Variants in MLIP observed in about 807,000 individuals in gnomAD.
MLIP encodes muscular LMNA interacting protein, also known as muscular LMNA-interacting protein.
MLIP carries 79 observed loss-of-function variants against 84.8 expected under a neutral mutation model. The ratio of observed to expected loss-of-function variants is 0.93; its 90% CI spans 0.78 to 1.12. The LOEUF is 1.12. Ranked by LOEUF, MLIP falls within the 50% of genes most tolerant of loss-of-function variation. The pLI is 0.00. For missense variants in MLIP, 1,257 were observed against 1,160.6 expected (o/e 1.08, Z -1.21); for synonymous variants, 504 against 463.0 (o/e 1.09, Z -1.14).
At chr6:54,264,790 G>A (rs1582666305) in intron 13 of MLIP, among the ~76,000 whole-genome samples, 1 of 152,178 alleles carries the variant, frequency 6.6e-6, no homozygotes, top group East Asian at 1.9e-4. Context: ...GATGATGAAA[G>A]CTACAGCTTA....
At chr6:54,100,095 T>C (rs561150042) in intron 1 of MLIP, among the ~76,000 whole-genome samples, 1 of 152,280 alleles carries the variant, frequency 6.6e-6, no homozygotes, top group South Asian at 2.1e-4. Flanking sequence ...AATATGCTGC[T>C]ACAACAATAA....
chr6:54,174,396 T>A (rs1262195685), intron 9 of MLIP, among the ~76,000 whole-genome samples: 1 of 152,028 alleles, frequency 6.6e-6, no homozygotes, highest in Non-Finnish European at 1.5e-5. Context: ...TTTCTCCACA[T>A]GCTCATAAGC....
intron 12 of MLIP, among the ~76,000 whole-genome samples, chr6:54,237,719 G>T (rs528453374): frequency 1.3e-5 from 2 of 150,710 alleles, no homozygotes; most frequent in African/African-American, 2.4e-5. Flanking sequence ...GCATGGTTTC[G>T]TGCACCTGTG....
chr6:54,146,527 T>C (rs1413003997), intron 4 of MLIP, among the ~76,000 whole-genome samples: 9 of 152,174 alleles, frequency 5.9e-5, no homozygotes, highest in Non-Finnish European at 1.2e-4. Context: ...ACCAATGAGA[T>C]AAGTTAGCAG....
At chr6:54,019,131 A>G (rs1438106959) in intron 1 of MLIP, 1 of 1,601,984 alleles carries the variant, frequency 6.2e-7, no homozygotes, top group African/African-American at 1.3e-5. Context: ...TTATAATGAA[A>G]TTGACAGGGT....
chr6:54,252,425 CATATA>C (rs1244836748), intron 12 of MLIP, among the ~76,000 whole-genome samples: 1 of 123,730 alleles, frequency 8.1e-6, no homozygotes, highest in Non-Finnish European at 1.6e-5. Flanking sequence ...TATATTATAA[CATATA>C]ATATATAATA....
intron 3 of MLIP, among the ~76,000 whole-genome samples, chr6:54,130,811 AG>A (rs1466386102): frequency 1.3e-5 from 2 of 152,158 alleles, no homozygotes. Flanking sequence ...GAAAGGTAAT[AG>A]GGAAGGAAGT....
In MLIP at chr6:54,138,129, C is replaced by A. The variant is rs189283129; in HGVS notation, c.2060C>A (p.Thr687Asn). Residue 687 changes from threonine (T) to asparagine (N), a missense_variant, in exon 4 of 14, where the codon ACC becomes AAC. By Grantham distance (65) the Thr-to-Asn change is moderately conservative. Transcript: ENST00000502396. ...CTGCACCCACATTGCGGCAGTGGTA[C>A]CTTGCCTTCAAGACTTGGGAAATCT... ...SALHPHCGSG[T>N]LPSRLGKSES... 88 of 1,536,018 alleles carry A rather than the reference C, an allele frequency of 5.7e-5. No individual in the cohort carries two copies. Among genetic ancestry groups the A allele is most frequent in the Middle Eastern group, 1.7e-4 (1 of 6,012 alleles).
chr6:54,208,811 T>A (rs1363813948), intron 11 of MLIP, among the ~76,000 whole-genome samples: 1 of 152,214 alleles, frequency 6.6e-6, no homozygotes, highest in African/African-American at 2.4e-5. Flanking sequence ...CGTAAGATAT[T>A]TTTGATGAAA....
At chr6:54,133,601 A>C (rs1771563718) in intron 3 of MLIP, among the ~76,000 whole-genome samples, 1 of 152,228 alleles carries the variant, frequency 6.6e-6, no homozygotes, top group South Asian at 2.1e-4. Context: ...TCATAGAAAC[A>C]TCAGGGAAAA....
At chr6:54,215,097 C>T (rs780734343) in intron 11 of MLIP, 38 of 1,414,110 alleles carry the variant, frequency 2.7e-5, no homozygotes, top group African/African-American at 9.9e-5. Context: ...CTTTTCTACA[C>T]GCTGTGTACT....
intron 9 of MLIP, among the ~76,000 whole-genome samples, chr6:54,182,889 C>T (rs903999186): frequency 6.6e-6 from 1 of 152,054 alleles, no homozygotes; most frequent in Admixed American, 6.6e-5. Context: ...TTTTATAAAT[C>T]CTCTACATTT....
chr6:54,093,526 GTGT>G (rs1437604289), intron 1 of MLIP, among the ~76,000 whole-genome samples: 2 of 152,152 alleles, frequency 1.3e-5, no homozygotes, highest in Non-Finnish European at 2.9e-5. Flanking sequence ...GGCAACACAA[GTGT>G]TGTCTAAGGT....
intron 11 of MLIP, among the ~76,000 whole-genome samples, chr6:54,204,967 T>C (rs1448770475): frequency 1.3e-5 from 2 of 152,144 alleles, no homozygotes; most frequent in Non-Finnish European, 2.9e-5. Context: ...GCATACCACT[T>C]AAAAGTGAAT....
chr6:54,255,255 TG>T (rs1166031882), intron 12 of MLIP, among the ~76,000 whole-genome samples: 10 of 152,198 alleles, frequency 6.6e-5, no homozygotes, highest in African/African-American at 2.4e-4. Context: ...GATTCCAGCA[TG>T]GATGTTCCAC....
At chr6:54,077,503 T>C (rs1165577778) in intron 1 of MLIP, among the ~76,000 whole-genome samples, 2 of 152,176 alleles carry the variant, frequency 1.3e-5, no homozygotes, top group Non-Finnish European at 2.9e-5. Flanking sequence ...TCAAAACAAT[T>C]ACACATAATT....
Position 54,219,582 on chromosome 6 carries a change from G to A in MLIP, c.2719-11132G>A, listed in dbSNP as rs553895599. ...AGGCTGCTTTTATGTTACTATGTTAGGATTGAGTAATTGTGACAGATTTAT... is the reference window on the plus strand; with the variant it reads ...AGGCTGCTTTTATGTTACTATGTTAAGATTGAGTAATTGTGACAGATTTAT... On this transcript the variant is annotated intron_variant, in intron 11 of 13. Coordinates refer to ENST00000502396, the MANE Select transcript of MLIP (RefSeq NM_001281747.2). Among the ~76,000 whole-genome samples the A allele has an allele frequency of 1.2e-4, 18 of 152,018 alleles. No homozygotes were observed. The South Asian group carries it at 3.7e-3, about 32-fold the overall frequency.
chr6:54,083,694 T>C (rs759959790), intron 1 of MLIP: 5 of 1,457,324 alleles, frequency 3.4e-6, no homozygotes, highest in Non-Finnish European at 4.6e-6. Flanking sequence ...GATAGCTGTG[T>C]ACTGTCTTTG....
chr6:54,159,499 T>C (rs1774390349), intron 5 of MLIP, among the ~76,000 whole-genome samples: 1 of 152,040 alleles, frequency 6.6e-6, no homozygotes, highest in Admixed American at 6.6e-5. Flanking sequence ...CCAAGGCAGG[T>C]AGAAACTGCA....
Sources: gnomAD v4.1 joint callset for allele counts (sites outside exome capture counted in the v4.1 genomes callset) on GRCh38, gnomAD v4.1.1 for gene constraint, MANE v1.5 for transcripts, NCBI Gene and HGNC (gene_info 2026-07-23, HGNC 2026-07-21) for gene names.